CDC20B: variants seen among roughly 807,000 people sequenced by gnomAD.
The protein encoded by CDC20B is cell division cycle 20B, also known as cell division cycle protein 20 homolog B.
CDC20B carries 58 observed loss-of-function variants against 64.1 expected under a neutral mutation model. The ratio of observed to expected loss-of-function variants is 0.90; its 90% CI spans 0.73 to 1.13. The LOEUF is 1.13. Among genes scored for constraint, CDC20B ranks in the 50% most tolerant of loss-of-function variants. The probability of loss-of-function intolerance (pLI) is 0.00; values close to 1 mark genes in which losing one functional copy is unlikely to be tolerated. For missense variants in CDC20B, 597 were observed against 633.0 expected (o/e 0.94, Z 0.61); for synonymous variants, 243 against 230.6 (o/e 1.05, Z -0.49).
intron 2 of CDC20B, chr5:55,161,268 C>G: frequency 6.2e-7 from 1 of 1,607,040 alleles, no homozygotes; most frequent in South Asian, 1.1e-5. Context: ...AAATATCTGC[C>G]TTGCATATGC....
At chr5:55,141,542 T>C (rs1743329392) in intron 4 of CDC20B, among the ~76,000 whole-genome samples, 1 of 152,222 alleles carries the variant, frequency 6.6e-6, no homozygotes, top group Non-Finnish European at 1.5e-5. Context: ...TATACGCCTG[T>C]GCTCTATACT....
chr5:55,128,519 T>C lies in CDC20B; in HGVS notation c.796A>G (p.Asn266Asp), dbSNP rs1188367502. ...TTACAAGTGAGACTTAAGTCTATGT[T>C]TTCAATCCCATTGTGGTTCTCCCCA... ...WNGENHNGIE[N>D]IDLSLTCNYI... Residue 266 changes from asparagine to aspartate, a missense_variant, in exon 7 of 12, where the codon AAC becomes GAC. By Grantham distance (23) the Asn-to-Asp change is conservative. Transcript: ENST00000381375. 6 of 1,611,882 alleles carry C rather than the reference T, an allele frequency of 3.7e-6. No homozygotes were observed. The highest frequency in any genetic ancestry group is 5.1e-6 in the Non-Finnish European group (6 of 1,179,582).
At position 55,127,271 on chromosome 5, in the gene CDC20B, G is replaced by GC; in HGVS notation, c.974_975insG (p.His325GlnfsTer52). The GC allele has an allele frequency of 6.2e-7, 1 of 1,613,998 alleles. No individual in the cohort carries two copies. Among genetic ancestry groups the GC allele is most frequent in the Non-Finnish European group, 8.5e-7 (1 of 1,179,884 alleles). On this transcript the variant is annotated frameshift_variant, in exon 8 of 12. Coordinates refer to ENST00000381375, the MANE Select transcript of CDC20B (RefSeq NM_001170402.1). LOFTEE classifies it high-confidence loss of function. ...ACGCTTCTTACCTGCTGAGGATAAA[G>GC]TGATTCCAGCTCAGAGCCCCAACTA...
chr5:55,122,696 A>G (rs1469719373), intron 9 of CDC20B, among the ~76,000 whole-genome samples: 1 of 152,204 alleles, frequency 6.6e-6, no homozygotes, highest in Non-Finnish European at 1.5e-5. Flanking sequence ...GAAGCACTGG[A>G]CCTATTGCCC....
At chr5:55,153,240 TAAAAAAAAAAAAA>T (rs1206577177) in intron 2 of CDC20B, among the ~76,000 whole-genome samples, 2 of 87,658 alleles carry the variant, frequency 2.3e-5, no homozygotes, top group Non-Finnish European at 4.0e-5. Flanking sequence ...CCTTGTCTCA[TAAAAAAAAAAAAA>T]AAAAAAAAAA....
intron 2 of CDC20B, among the ~76,000 whole-genome samples, chr5:55,158,763 T>C (rs1743891054): frequency 6.6e-6 from 1 of 152,170 alleles, no homozygotes; most frequent in Admixed American, 6.5e-5. Flanking sequence ...GCTTTTAGGA[T>C]ATACAGCCCT....
At position 55,155,771 on chromosome 5, in the gene CDC20B, G is replaced by C. The variant is rs149068775; in HGVS notation, c.127-8915C>G. 1.8e-3 allele frequency among the ~76,000 whole-genome samples: 275 copies of C among 152,126 alleles called. 2 individuals carry two copies. In the Middle Eastern group the frequency reaches 0.02, roughly 11 times the overall value. On this transcript the variant is annotated intron_variant, in intron 2 of 11. Coordinates refer to ENST00000381375, the MANE Select transcript of CDC20B (RefSeq NM_001170402.1). ...CCACCCCCTTCCTTCCATCATGCTGGCCAAGGCTACCTTCACTAAGACTCT... is the reference window on the plus strand; with the variant it reads ...CCACCCCCTTCCTTCCATCATGCTGCCCAAGGCTACCTTCACTAAGACTCT...
chr5:55,160,203 T>A, intron 2 of CDC20B: 1 of 1,613,890 alleles, frequency 6.2e-7, no homozygotes, highest in Non-Finnish European at 8.5e-7. Context: ...ATGGAGCCTC[T>A]TGCAGCTTAC....
chr5:55,125,777 A>G (rs545292460), intron 8 of CDC20B, among the ~76,000 whole-genome samples: 3 of 152,330 alleles, frequency 2.0e-5, no homozygotes, highest in Non-Finnish European at 4.4e-5. Context: ...ATTGTTTAAA[A>G]CTATGCAATG....
Position 55,156,742 on chromosome 5 carries a change from C to T in CDC20B, c.127-9886G>A, listed in dbSNP as rs547947895. Among the ~76,000 whole-genome samples, 8 of 152,162 alleles carry T rather than the reference C, an allele frequency of 5.3e-5. No homozygotes were observed. In the South Asian group the frequency reaches 1.5e-3, roughly 28 times the overall value. ...TACAAAAATTAGCCGGGCATTTTGG[C>T]GCGTGCCTGTAGTCCCAGCTACTCG... On this transcript the variant is annotated intron_variant, in intron 2 of 11. Transcript: ENST00000381375.
chr5:55,138,473 C>T (rs866778876), intron 5 of CDC20B, among the ~76,000 whole-genome samples: 17 of 152,074 alleles, frequency 1.1e-4, no homozygotes, highest in Non-Finnish European at 8.8e-5. Context: ...TATCTTTATA[C>T]TGAATTTACC....
chr5:55,172,935 C>G lies in CDC20B; in HGVS notation c.63+3G>C. ...GGAGAATGCAGAAAAGGGTGTTACTCACCCACAGCATCTCCTCTTCCGTGC... is the reference window on the plus strand; with the variant it reads ...GGAGAATGCAGAAAAGGGTGTTACTGACCCACAGCATCTCCTCTTCCGTGC... On this transcript the variant is annotated splice_donor_region_variant and intron_variant, in intron 1 of 11. Coordinates refer to ENST00000381375, the MANE Select transcript of CDC20B (RefSeq NM_001170402.1). 2 of 1,604,956 alleles carry G rather than the reference C, an allele frequency of 1.2e-6. No individual in the cohort carries two copies.
Sources: gnomAD v4.1 joint callset for allele counts (sites outside exome capture counted in the v4.1 genomes callset) on GRCh38, gnomAD v4.1.1 for gene constraint, MANE v1.5 for transcripts, NCBI Gene and HGNC (gene_info 2026-07-23, HGNC 2026-07-21) for gene names.